KIRREL3: variants seen among roughly 807,000 people sequenced by gnomAD.
The protein encoded by KIRREL3 is kirre like nephrin family adhesion molecule 3.
Under a neutral mutation model 89.7 loss-of-function variants are expected in KIRREL3, and 36 were observed. The ratio of observed to expected loss-of-function variants is 0.40; its 90% CI spans 0.31 to 0.53. The LOEUF is 0.53. KIRREL3 is among the 20% of genes least tolerant of loss of function. The pLI, the probability that KIRREL3 is intolerant of heterozygous loss-of-function variation, is 0.49. For synonymous variants in KIRREL3, 445 were observed against 441.4 expected, an observed-to-expected ratio of 1.01 and a Z score of -0.10; for missense variants, 864 against 1,056.6, an observed-to-expected ratio of 0.82 and a Z score of 2.53.
chr11:126,446,753 C>T lies in KIRREL3; in HGVS notation c.1125+6G>A. ...AGGTGCCCCGAGGTCTGAGCTGCAG[C>T]CTCACCACTCCGGAGCCCCGCTTCA... On this transcript the variant is annotated splice_donor_region_variant and intron_variant, in intron 9 of 16. Transcript: ENST00000525144. 6.3e-7 allele frequency: 1 copy of T among 1,597,306 alleles called. No individual in the cohort carries two copies. The highest frequency in any genetic ancestry group is 8.5e-7 in the Non-Finnish European group (1 of 1,172,266).
intron 4 of KIRREL3, among the ~76,000 whole-genome samples, chr11:126,478,606 C>A (rs534939519): frequency 1.4e-5 from 2 of 143,152 alleles, no homozygotes; most frequent in African/African-American, 5.4e-5. Flanking sequence ...TATGTATATG[C>A]ATGTATATGT....
At position 126,795,093 on chromosome 11, in the gene KIRREL3, A is replaced by G. The variant is rs1950763622; in HGVS notation, c.55+205362T>C. ...GGGTTGGGCAGGAGGAGGAGGAGAGAGATGAATTGTGGAGCACAGGTGTTT... is the reference window on the plus strand; with the variant it reads ...GGGTTGGGCAGGAGGAGGAGGAGAGGGATGAATTGTGGAGCACAGGTGTTT... On this transcript the variant is annotated intron_variant, in intron 1 of 16. Transcript: ENST00000525144. The surrounding 1 kb of genome is among the most constrained non-coding windows in gnomAD (Gnocchi z 4.1). Among the ~76,000 whole-genome samples, 1 of 152,196 alleles carries G rather than the reference A, an allele frequency of 6.6e-6. No homozygotes were observed. Among genetic ancestry groups the G allele is most frequent in the Admixed American group, 6.5e-5 (1 of 15,278 alleles).
intron 1 of KIRREL3, among the ~76,000 whole-genome samples, chr11:126,590,940 T>G (rs1942102876): frequency 6.6e-6 from 1 of 152,246 alleles, no homozygotes; most frequent in Non-Finnish European, 1.5e-5. Context: ...GAAAGTGATC[T>G]GGCTGGGTGC....
intron 1 of KIRREL3, among the ~76,000 whole-genome samples, chr11:126,596,520 G>A (rs1591795349): frequency 1.3e-5 from 2 of 152,210 alleles, no homozygotes; most frequent in Admixed American, 6.5e-5. Context: ...TGATGACCTC[G>A]GCCCCAGGGC....
At chr11:126,494,936 T>G (rs1011966175) in intron 4 of KIRREL3, among the ~76,000 whole-genome samples, 3 of 152,218 alleles carry the variant, frequency 2.0e-5, no homozygotes, top group African/African-American at 7.2e-5. Context: ...GCCTGAGGGA[T>G]GCGGGTGGCG....
rs1472595650 is a variant in KIRREL3, at chr11:126,434,935, G to A, written c.1588+333C>T. ...TGGAAGCAGAAGGCAGTCAGGACAG[G>A]GGCCAGCTGACCCCAGAGGCCAGGA... On this transcript the variant is annotated intron_variant, in intron 13 of 16. Coordinates refer to ENST00000525144, the MANE Select transcript of KIRREL3 (RefSeq NM_032531.4). Among the ~76,000 whole-genome samples the A allele has an allele frequency of 2.0e-5, 3 of 152,128 alleles. No individual in the cohort carries two copies. The East Asian group carries it at 5.8e-4, about 29-fold the overall frequency.
chr11:126,964,910 A>G (rs1949218341), intron 1 of KIRREL3, among the ~76,000 whole-genome samples: 1 of 152,170 alleles, frequency 6.6e-6, no homozygotes, highest in Admixed American at 6.5e-5. Context: ...ATAGATTAAG[A>G]TACTATTTCA....
Position 126,579,708 on chromosome 11 carries a change from G to A in KIRREL3, c.56-16796C>T, listed in dbSNP as rs1025517766. Among the ~76,000 whole-genome samples the A allele has an allele frequency of 6.6e-6, 1 of 152,140 alleles. No homozygotes were observed. The highest frequency in any genetic ancestry group is 2.4e-5 in the African/African-American group (1 of 41,418). On this transcript the variant is annotated intron_variant, in intron 1 of 16. Transcript: ENST00000525144. This position sits in a 1 kb window ranked among gnomAD's most constrained non-coding sequence, Gnocchi z 5.3. ...CACCTGGATCTGGACAATGCTTCCA[G>A]GTTACCACTGCTGGTAAGCAATGTG...
chr11:126,791,313 G>C lies in KIRREL3; in HGVS notation c.55+209142C>G, dbSNP rs1950632832. Reference sequence around the variant, plus strand: ...GGTATTAAATCGTAAAGGGAGGGCAGGTGTTATCATAATAGGACATTCCAA... The same window carrying C: ...GGTATTAAATCGTAAAGGGAGGGCACGTGTTATCATAATAGGACATTCCAA... On this transcript the variant is annotated intron_variant, in intron 1 of 16. Coordinates refer to ENST00000525144, the MANE Select transcript of KIRREL3 (RefSeq NM_032531.4). The surrounding 1 kb of genome is among the most constrained non-coding windows in gnomAD (Gnocchi z 4.8). 6.6e-6 allele frequency among the ~76,000 whole-genome samples: 1 copy of C among 152,202 alleles called. No homozygotes were observed. The highest frequency in any genetic ancestry group is 2.4e-5 in the African/African-American group (1 of 41,446).
rs1393838415 is a variant in KIRREL3 at position 126,764,764 on chromosome 11, G to A, written c.56-201852C>T. Reference sequence around the variant, plus strand: ...TATCCAGCTTCTTAGGGCCTGTGCTGTAAGCCTCCGGGGCCATATAAACGC... The same window carrying A: ...TATCCAGCTTCTTAGGGCCTGTGCTATAAGCCTCCGGGGCCATATAAACGC... On this transcript the variant is annotated intron_variant, in intron 1 of 16. Coordinates refer to ENST00000525144, the MANE Select transcript of KIRREL3 (RefSeq NM_032531.4). This position sits in a 1 kb window ranked among gnomAD's most constrained non-coding sequence, Gnocchi z 4.2. Among the ~76,000 whole-genome samples, 1 of 152,144 alleles carries A rather than the reference G, an allele frequency of 6.6e-6. No homozygotes were observed.
chr11:126,923,129 CTCTTCTTCTTCTTCTTCTTCTT>C (rs1947437285), intron 1 of KIRREL3, among the ~76,000 whole-genome samples: 2 of 25,732 alleles, frequency 7.8e-5, no homozygotes, highest in African/African-American at 3.9e-4. Context: ...TCTCCTTCTT[CTCTTCTTCTTCTTCTTCTTCTT>C]CTTCTTCTTC....
chr11:126,487,001 C>T lies in KIRREL3; in HGVS notation c.434-13535G>A, dbSNP rs144252708. Among the ~76,000 whole-genome samples the T allele has an allele frequency of 2.6e-4, 39 of 152,144 alleles. No individual in the cohort carries two copies. The East Asian group carries it at 5.4e-3, about 21-fold the overall frequency. On this transcript the variant is annotated intron_variant, in intron 4 of 16. Coordinates refer to ENST00000525144, the MANE Select transcript of KIRREL3 (RefSeq NM_032531.4). ...ACGAGCCTCATAGTTTCAGTAAGGA[C>T]GAAAATGAGGCCAGGTAGAAATCCT...
At chr11:126,714,558 G>A (rs1226983078) in intron 1 of KIRREL3, among the ~76,000 whole-genome samples, 2 of 152,136 alleles carry the variant, frequency 1.3e-5, no homozygotes, top group African/African-American at 2.4e-5. Context: ...CGCCCTGGGA[G>A]GCAGCCCTCT....
rs1947336655 is a variant in KIRREL3 at position 126,702,171 on chromosome 11, A to G, written c.56-139259T>C. Reference sequence around the variant, plus strand: ...AACCTTCATCTGTAAACGGGAGCAAATCATCTCTAATTTGTAGACCTGTTG... The same window carrying G: ...AACCTTCATCTGTAAACGGGAGCAAGTCATCTCTAATTTGTAGACCTGTTG... On this transcript the variant is annotated intron_variant, in intron 1 of 16. Coordinates refer to ENST00000525144, the MANE Select transcript of KIRREL3 (RefSeq NM_032531.4). Among the ~76,000 whole-genome samples the G allele has an allele frequency of 2.6e-5, 4 of 152,260 alleles. No individual in the cohort carries two copies. The South Asian group carries it at 6.2e-4, about 24-fold the overall frequency.
intron 1 of KIRREL3, among the ~76,000 whole-genome samples, chr11:126,874,574 G>A (rs1402236287): frequency 6.6e-6 from 1 of 152,150 alleles, no homozygotes; most frequent in African/African-American, 2.4e-5. Flanking sequence ...TCAACTGGAC[G>A]CTTTATTTTC....
intron 1 of KIRREL3, among the ~76,000 whole-genome samples, chr11:126,613,895 T>TTTTTTTGA (rs1943240473): frequency 1.9e-5 from 2 of 104,834 alleles, no homozygotes; most frequent in African/African-American, 6.9e-5. Flanking sequence ...TTTTTTTTTA[T>TTTTTTTGA]TTTTTTCCCC....
In KIRREL3 at chr11:126,515,692, G is replaced by T. The variant is rs959588199; in HGVS notation, c.433+5623C>A. On this transcript the variant is annotated intron_variant, in intron 4 of 16. Coordinates refer to ENST00000525144, the MANE Select transcript of KIRREL3 (RefSeq NM_032531.4). This position sits in a 1 kb window ranked among gnomAD's most constrained non-coding sequence, Gnocchi z 4.2. ...CTTGTTAGTGCGGGAGCAGGTTGGC[G>T]GTGGGTCTGAGGCTGGGGACACAGC... is the stretch of plus-strand genomic sequence containing the variant. Among the ~76,000 whole-genome samples, 1 of 152,170 alleles carries T rather than the reference G, an allele frequency of 6.6e-6. No individual in the cohort carries two copies. The highest frequency in any genetic ancestry group is 1.5e-5 in the Non-Finnish European group (1 of 68,032).
Position 126,812,344 on chromosome 11 carries a change from C to T in KIRREL3, c.55+188111G>A, listed in dbSNP as rs912317534. Among the ~76,000 whole-genome samples the T allele has an allele frequency of 6.6e-6, 1 of 152,090 alleles. No homozygotes were observed. Among genetic ancestry groups the T allele is most frequent in the East Asian group, 1.9e-4 (1 of 5,182 alleles). On this transcript the variant is annotated intron_variant, in intron 1 of 16. Transcript: ENST00000525144. The surrounding 1 kb of genome is among the most constrained non-coding windows in gnomAD (Gnocchi z 5.2). ...GGGAAAACGAAGTATGCTCTCCAGG[C>T]TAACCGTTGGTGGTTTAGGCAGACG...
At position 126,529,997 on chromosome 11, in the gene KIRREL3, G is replaced by A. The variant is rs202071133; in HGVS notation, c.134-3310C>T. 2.0e-5 allele frequency among the ~76,000 whole-genome samples: 3 copies of A among 151,534 alleles called. No individual in the cohort carries two copies. In the East Asian group the frequency reaches 5.8e-4, roughly 29 times the overall value. On this transcript the variant is annotated intron_variant, in intron 2 of 16. Coordinates refer to ENST00000525144, the MANE Select transcript of KIRREL3 (RefSeq NM_032531.4). ...TTTTCATCCATCTGACAGACCTTAG[G>A]GCCTCTCCTTTGGGCTCAAGAGCCC...
Sources: gnomAD v4.1 joint callset for allele counts (sites outside exome capture counted in the v4.1 genomes callset) on GRCh38, gnomAD v4.1.1 for gene constraint, Gnocchi (gnomAD v3.1) non-coding constraint, MANE v1.5 for transcripts, NCBI Gene and HGNC (gene_info 2026-07-23, HGNC 2026-07-21) for gene names.